Variants in COL6A5 observed in about 807,000 individuals in gnomAD.
COL6A5 encodes the protein collagen type VI alpha 5 chain, also known as collagen alpha-5(VI) chain.
Under a neutral mutation model 65.6 loss-of-function variants are expected in COL6A5, and 48 were observed. The observed-to-expected ratio is 0.73, with a 90% CI of 0.58 to 0.93. The LOEUF is 0.93. COL6A5 is among the 40% of genes least tolerant of loss of function. The pLI, the probability that COL6A5 is intolerant of heterozygous loss-of-function variation, is 0.00. For missense variants in COL6A5, 914 were observed against 928.3 expected (o/e 0.98, Z 0.20); for synonymous variants, 291 against 322.8 (o/e 0.90, Z 1.05).
At chr3:130,370,154 G>A (rs562090008) in intron 1 of COL6A5, among the ~76,000 whole-genome samples, 19 of 152,268 alleles carry the variant, frequency 1.2e-4, no homozygotes, top group Non-Finnish European at 2.6e-4. Context: ...TTTAGAGTTA[G>A]GAGGAGCCTT....
At chr3:130,409,903 C>G (rs1471989674) in intron 18 of COL6A5, 106 bp from the exon 19 acceptor site, 1 of 658,758 alleles carries the variant, frequency 1.5e-6, no homozygotes, top group Non-Finnish European at 2.5e-6. Context: ...TTTCTCACAC[C>G]TCTTATAGCT....
chr3:130,453,113 A>G (rs149010901), intron 4 of COL6A5, among the ~76,000 whole-genome samples: 2,468 of 152,196 alleles, frequency 0.016, 66 homozygotes, highest in African/African-American at 0.057. Context: ...TAACACAATC[A>G]TCACAGCGTC....
At chr3:130,467,131 A>G (rs528987180) in intron 5 of COL6A5, among the ~76,000 whole-genome samples, 3 of 152,026 alleles carry the variant, frequency 2.0e-5, no homozygotes, top group Non-Finnish European at 4.4e-5. Context: ...TGAATACATA[A>G]TAGTTGTACA....
chr3:130,461,776 A>T (rs35901529), intron 5 of COL6A5, among the ~76,000 whole-genome samples: 3,588 of 147,986 alleles, frequency 0.024, 43 homozygotes, highest in Non-Finnish European at 0.03. Context: ...TTTTTTTTTT[A>T]AAAAAAACCT....
At position 130,389,117 on chromosome 3, in the gene COL6A5, G is replaced by A. The variant is rs778693503; in HGVS notation, c.2399G>A (p.Arg800His). ...GCACTAGAAAGGAAACTTATCTTTC[G>A]TGTGTGTGCTCTCCATGGTAAGTGT... Residue 800 changes from arginine to histidine, a missense_variant and NMD_transcript_variant, in exon 6 of 42, where the codon CGT becomes CAT. Coordinates refer to the COL6A5 transcript ENST00000312481. 25 of 1,438,736 alleles carry A rather than the reference G, an allele frequency of 1.7e-5. No individual in the cohort carries two copies. Among genetic ancestry groups the A allele is most frequent in the Middle Eastern group, 1.8e-4 (1 of 5,512 alleles). The allele number at this position is 1,438,736 out of a possible 1,614,324, so 89.1% of individuals were successfully genotyped here.
At chr3:130,460,473 A>G (rs1461378665) in intron 5 of COL6A5, among the ~76,000 whole-genome samples, 1 of 152,170 alleles carries the variant, frequency 6.6e-6, no homozygotes, top group Admixed American at 6.6e-5. Context: ...ATTCAGACGT[A>G]CATTGATGTT....
At chr3:130,430,837 A>T (rs557554809), upstream of COL6A5, among the ~76,000 whole-genome samples, 28 of 152,232 alleles carry the variant, frequency 1.8e-4, 2 homozygotes, top group South Asian at 5.0e-3. Context: ...TAGTATAATG[A>T]TCCTTGCCAA....
intron 6 of COL6A5, among the ~76,000 whole-genome samples, chr3:130,389,698 G>A (rs1936326781): frequency 6.6e-6 from 1 of 151,690 alleles, no homozygotes; most frequent in Non-Finnish European, 1.5e-5. Context: ...ATTGTAATTT[G>A]TCACTTTTCT....
chr3:130,390,255 T>A (rs1355424052), intron 6 of COL6A5, among the ~76,000 whole-genome samples: 1 of 152,172 alleles, frequency 6.6e-6, no homozygotes, highest in Non-Finnish European at 1.5e-5. Context: ...TTCAGCTGAC[T>A]CATGCATTAG....
At chr3:130,405,643 G>A (rs1275617276) in exon 14 of COL6A5, 3 of 1,550,324 alleles carry the variant, frequency 1.9e-6, no homozygotes, top group Non-Finnish European at 1.7e-6. Flanking sequence ...GGATGTCCAG[G>A]GGCGTGGGGT....
chr3:130,478,452 G>A (rs988394642), intron 7 of COL6A5, among the ~76,000 whole-genome samples: 1 of 151,952 alleles, frequency 6.6e-6, no homozygotes, highest in South Asian at 2.1e-4. Flanking sequence ...ATACATACTG[G>A]GTGACACACA....
chr3:130,476,594 G>C (rs1710103681), intron 7 of COL6A5, among the ~76,000 whole-genome samples: 1 of 152,052 alleles, frequency 6.6e-6, no homozygotes, highest in South Asian at 2.1e-4. Context: ...CTTTTGTTTT[G>C]TTTTGTTTTT....
At chr3:130,352,716 A>G (rs1354530565) in intron 1 of COL6A5, among the ~76,000 whole-genome samples, 1 of 152,204 alleles carries the variant, frequency 6.6e-6, no homozygotes, top group Non-Finnish European at 1.5e-5. Context: ...AAGTTGTAGA[A>G]GAAATGAGAT....
rs190824245 is a variant in COL6A5, at chr3:130,387,987, T to A, written c.1862-593T>A. 3.3e-5 allele frequency among the ~76,000 whole-genome samples: 5 copies of A among 152,024 alleles called. No homozygotes were observed. In the East Asian group the frequency reaches 9.7e-4, roughly 29 times the overall value. ...ATGTTCATTTCCAATCAGTAGGCTG[T>A]CTACAAATATTATGTATAAAGGAAC... On this transcript the variant is annotated intron_variant and NMD_transcript_variant, in intron 5 of 41. Coordinates refer to the COL6A5 transcript ENST00000312481.
chr3:130,354,961 CATT>C lies in COL6A5; in HGVS notation c.-29+8982_-29+8984del, dbSNP rs201473401. ...TTAGTATTAATAAAGTAAAATATCTCATTAATAATTTTTATATTGGTTATACAT... is the reference window on the plus strand; with the variant it reads ...TTAGTATTAATAAAGTAAAATATCTCAATAATTTTTATATTGGTTATACAT... On this transcript the variant is annotated intron_variant and NMD_transcript_variant, in intron 1 of 41. Coordinates refer to the COL6A5 transcript ENST00000312481. Among the ~76,000 whole-genome samples, 1,511 of 152,180 alleles carry C rather than the reference CATT, an allele frequency of 9.9e-3. 16 individuals carry two copies. Among genetic ancestry groups the C allele is most frequent in the South Asian group, 0.081 (389 of 4,820 alleles).
Position 130,406,024 on chromosome 3 carries a change from T to G in COL6A5, c.4380+5T>G, listed in dbSNP as rs1936977490. 4.5e-6 allele frequency: 7 copies of G among 1,551,404 alleles called. No individual in the cohort carries two copies. The highest frequency in any genetic ancestry group is 6.1e-6 in the Non-Finnish European group (7 of 1,146,726). On this transcript the variant is annotated splice_donor_5th_base_variant and intron_variant and NMD_transcript_variant, in intron 15 of 41. Coordinates refer to the COL6A5 transcript ENST00000312481. ...AAAGGATTTTCTGGACCTAAGGTAC[T>G]GGAGTTTTTTCTTAGTTTAATTTGA...
intron 7 of COL6A5, among the ~76,000 whole-genome samples, chr3:130,481,250 T>C (rs1189745588): frequency 2.8e-5 from 4 of 142,390 alleles, no homozygotes; most frequent in African/African-American, 1.0e-4. Context: ...CCTGTGTCCA[T>C]GTATTCTCAT....
exon 7 of COL6A5, chr3:130,391,281 T>G: frequency 6.4e-7 from 1 of 1,551,680 alleles, no homozygotes; most frequent in Non-Finnish European, 8.7e-7. Flanking sequence ...ACTATCCATT[T>G]GGTGAAGAAA....
rs1709942504 is a variant in COL6A5 at position 130,471,102 on chromosome 3, T to TG, written c.2328+135_2328+136insG. The TG allele has an allele frequency of 4.6e-5, 25 of 537,836 alleles. No individual in the cohort carries two copies. The South Asian group carries it at 5.8e-4, about 12-fold the overall frequency. The allele number at this position is 537,836 out of a possible 1,614,324, so 33.3% of individuals were successfully genotyped here. On this transcript the variant is annotated intron_variant, in intron 7 of 7. Coordinates refer to ENST00000512836, the Ensembl canonical transcript of COL6A5. ...TGTGTGTGTGTGTGTGTGTGTGTGTTTTAAATGCTACTCGTTTGTGATGAT... is the reference window on the plus strand; with the variant it reads ...TGTGTGTGTGTGTGTGTGTGTGTGTTGTTAAATGCTACTCGTTTGTGATGAT...
Sources: gnomAD v4.1 joint callset for allele counts (sites outside exome capture counted in the v4.1 genomes callset) on GRCh38, gnomAD v4.1.1 for gene constraint, MANE v1.5 for transcripts, NCBI Gene and HGNC (gene_info 2026-07-23, HGNC 2026-07-21) for gene names.